PPARGC1A: variants seen among roughly 807,000 people sequenced by gnomAD.
The protein encoded by PPARGC1A is peroxisome proliferator-activated receptor gamma coactivator 1-alpha.
A neutral mutation model predicts 88.7 loss-of-function variants in PPARGC1A; 25 were observed. That is an observed-to-expected ratio of 0.28 (90% CI 0.21 to 0.39). PPARGC1A has a LOEUF of 0.39. Ranked by LOEUF, PPARGC1A falls within the 10% of genes least tolerant of loss-of-function variation. PPARGC1A has a pLI of 1.00. For synonymous variants in PPARGC1A, 363 were observed against 355.6 expected, an observed-to-expected ratio of 1.02 and a Z score of -0.24; for missense variants, 880 against 968.7, an observed-to-expected ratio of 0.91 and a Z score of 1.22.
the PPARGC1A span, among the ~76,000 whole-genome samples, chr4:24,338,456 G>C: frequency 3.3e-5 from 5 of 152,054 alleles, no homozygotes; most frequent in African/African-American, 1.2e-4. Context: ...AAAACCTAAG[G>C]ATCTATTCTC....
chr4:23,812,686 A>G (rs886978640), intron 10 of PPARGC1A, 61 bp downstream of exon 10: 4 of 1,600,188 alleles, frequency 2.5e-6, no homozygotes, highest in Non-Finnish European at 3.4e-6. Flanking sequence ...ATCACCAAAA[A>G]AAGCACACAG....
chr4:23,844,968 G>A (rs1366749135), intron 2 of PPARGC1A, among the ~76,000 whole-genome samples: 1 of 149,534 alleles, frequency 6.7e-6, no homozygotes, highest in Non-Finnish European at 1.5e-5. Context: ...GTTCTAGACA[G>A]GGAAAAGAGT....
chr4:23,930,492 C>A, the PPARGC1A span, among the ~76,000 whole-genome samples: 1 of 152,022 alleles, frequency 6.6e-6, no homozygotes, highest in African/African-American at 2.4e-5. Context: ...TTAACAACAA[C>A]AATGATGACA....
At chr4:24,366,197 T>C in the PPARGC1A span, among the ~76,000 whole-genome samples, 1 of 152,316 alleles carries the variant, frequency 6.6e-6, no homozygotes, top group Non-Finnish European at 1.5e-5. Context: ...CATCATCTCC[T>C]TCCCAGAGCC....
chr4:24,075,216 G>C, the PPARGC1A span, among the ~76,000 whole-genome samples: 1 of 152,238 alleles, frequency 6.6e-6, no homozygotes, highest in East Asian at 1.9e-4. Context: ...TAAAAACAAC[G>C]AAGTTGCCAC....
At chr4:24,363,631 A>G in the PPARGC1A span, among the ~76,000 whole-genome samples, 2 of 152,222 alleles carry the variant, frequency 1.3e-5, no homozygotes, top group African/African-American at 4.8e-5. Context: ...TGCCTACTAC[A>G]GGAATGTTTA....
At chr4:24,425,664 C>T in the PPARGC1A span, among the ~76,000 whole-genome samples, 109 of 152,242 alleles carry the variant, frequency 7.2e-4, 2 homozygotes, top group Middle Eastern at 0.01. Context: ...TCAACATGGC[C>T]AATATAACGA....
the PPARGC1A span, among the ~76,000 whole-genome samples, chr4:23,947,356 T>C: frequency 9.8e-5 from 1 of 10,176 alleles, no homozygotes; most frequent in Non-Finnish European, 2.6e-4. Context: ...TATAGTGATA[T>C]ATATATATAT....
At chr4:24,394,239 C>T in the PPARGC1A span, among the ~76,000 whole-genome samples, 1 of 152,140 alleles carries the variant, frequency 6.6e-6, no homozygotes, top group Non-Finnish European at 1.5e-5. Context: ...TGTGGTAACT[C>T]GGGTTTACTC....
At chr4:24,426,409 G>A in the PPARGC1A span, among the ~76,000 whole-genome samples, 1 of 152,032 alleles carries the variant, frequency 6.6e-6, no homozygotes, top group African/African-American at 2.4e-5. Context: ...GACAGCATAC[G>A]AACAAAAACA....
At chr4:23,929,259 T>C in the PPARGC1A span, among the ~76,000 whole-genome samples, 2 of 152,166 alleles carry the variant, frequency 1.3e-5, no homozygotes, top group Non-Finnish European at 2.9e-5. Flanking sequence ...GACGCTAAAG[T>C]ATTGCTATAG....
the PPARGC1A span, among the ~76,000 whole-genome samples, chr4:24,339,448 T>C: frequency 6.6e-6 from 1 of 151,924 alleles, no homozygotes; most frequent in Non-Finnish European, 1.5e-5. Context: ...ATCACCTTTT[T>C]CCCAGAGATT....
the PPARGC1A span, among the ~76,000 whole-genome samples, chr4:24,124,405 G>A: frequency 1.3e-5 from 2 of 152,192 alleles, no homozygotes; most frequent in Non-Finnish European, 2.9e-5. Context: ...CAGCCCATCT[G>A]TCTTAATTCA....
the PPARGC1A span, among the ~76,000 whole-genome samples, chr4:24,101,309 T>C: frequency 6.6e-6 from 1 of 152,238 alleles, no homozygotes; most frequent in African/African-American, 2.4e-5. Context: ...GCCATGATTG[T>C]ACGTTTCCTG....
At chr4:24,390,651 G>A in the PPARGC1A span, among the ~76,000 whole-genome samples, 100 of 151,906 alleles carry the variant, frequency 6.6e-4, 2 homozygotes, top group East Asian at 1.9e-4. Flanking sequence ...TACTGTGTAC[G>A]CTGCTTTGTC....
intron 1 of PPARGC1A, among the ~76,000 whole-genome samples, chr4:23,896,808 CAACT>C (rs779877451): frequency 1.3e-5 from 2 of 151,984 alleles, no homozygotes; most frequent in South Asian, 2.1e-4. Context: ...GAGGGTCTAC[CAACT>C]AACTGGGGAA....
the PPARGC1A span, among the ~76,000 whole-genome samples, chr4:24,323,398 G>A: frequency 2.4e-3 from 361 of 152,218 alleles, 1 homozygote; most frequent in African/African-American, 7.8e-3. Flanking sequence ...GCCCTGCCCC[G>A]CCTTAACTGA....
chr4:24,143,526 T>C, the PPARGC1A span, among the ~76,000 whole-genome samples: 2 of 152,098 alleles, frequency 1.3e-5, no homozygotes, highest in African/African-American at 4.8e-5. Flanking sequence ...AGCTTCTGAA[T>C]TGGAAAAGTA....
At chr4:24,277,926 G>A in the PPARGC1A span, among the ~76,000 whole-genome samples, 1 of 152,128 alleles carries the variant, frequency 6.6e-6, no homozygotes, top group Non-Finnish European at 1.5e-5. Flanking sequence ...CGTAACCCCA[G>A]GGCTTTGGGA....
Sources: gnomAD v4.1 joint callset for allele counts (sites outside exome capture counted in the v4.1 genomes callset) on GRCh38, gnomAD v4.1.1 for gene constraint, MANE v1.5 for transcripts, NCBI Gene and HGNC (gene_info 2026-07-23, HGNC 2026-07-21) for gene names.